The following SIMC1 variants were observed in gnomAD, a reference collection of about 807,000 sequenced individuals.
SIMC1 encodes the protein SUMO-interacting motif-containing protein 1.
In SIMC1, 55 loss-of-function variants were observed where a neutral mutation model predicts 82.3. The observed-to-expected ratio is 0.67, with a 90% CI of 0.54 to 0.84. The LOEUF (loss-of-function observed/expected upper bound fraction) is 0.84, where lower values mean the gene tolerates loss of function less well. Ranked by LOEUF, SIMC1 falls within the 40% of genes least tolerant of loss-of-function variation. The pLI, the probability that SIMC1 is intolerant of heterozygous loss-of-function variation, is 0.00. For synonymous variants in SIMC1, 353 were observed against 426.3 expected, an observed-to-expected ratio of 0.83 and a Z score of 2.12; for missense variants, 915 against 1,107.2, an observed-to-expected ratio of 0.83 and a Z score of 2.46.
intron 1 of SIMC1, among the ~76,000 whole-genome samples, chr5:176,249,793 G>A (rs928993400): frequency 7.0e-5 from 9 of 129,418 alleles, no homozygotes; most frequent in East Asian, 2.4e-4. Context: ...GCAGTGAGCC[G>A]AGATCATGCC....
chr5:176,335,059 T>C (rs1297106768), intron 7 of SIMC1, among the ~76,000 whole-genome samples: 1 of 151,538 alleles, frequency 6.6e-6, no homozygotes, highest in African/African-American at 2.4e-5. Flanking sequence ...ATCAGGCCAC[T>C]TCACTCCAGC....
chr5:176,320,615 C>A (rs550419336), intron 5 of SIMC1, among the ~76,000 whole-genome samples: 2 of 152,246 alleles, frequency 1.3e-5, no homozygotes, highest in South Asian at 4.1e-4. Context: ...AGCCATTTGC[C>A]CACTGCAGCT....
At chr5:176,281,220 C>T (rs1240188699) in intron 1 of SIMC1, among the ~76,000 whole-genome samples, 2 of 152,170 alleles carry the variant, frequency 1.3e-5, no homozygotes, top group African/African-American at 4.8e-5. Context: ...CAGTTGATCA[C>T]ATCAGCTCCT....
chr5:176,317,585 A>G (rs919317312), intron 5 of SIMC1, among the ~76,000 whole-genome samples: 3 of 152,070 alleles, frequency 2.0e-5, no homozygotes, highest in Non-Finnish European at 4.4e-5. Flanking sequence ...CATCACACAC[A>G]TATTTGCCAG....
chr5:176,337,221 A>C (rs1765941281), intron 9 of SIMC1, 75 bp downstream of exon 9: 6 of 1,221,848 alleles, frequency 4.9e-6, no homozygotes, highest in Non-Finnish European at 6.0e-6. Flanking sequence ...ACTACACAGG[A>C]TATTCTGATT....
chr5:176,279,127 A>G (rs1039180522), intron 1 of SIMC1, among the ~76,000 whole-genome samples: 2 of 152,096 alleles, frequency 1.3e-5, no homozygotes, highest in Non-Finnish European at 2.9e-5. Context: ...ACAATTTCAG[A>G]TCCTGTTATT....
At chr5:176,277,735 G>T (rs1488717912) in intron 1 of SIMC1, among the ~76,000 whole-genome samples, 1 of 151,888 alleles carries the variant, frequency 6.6e-6, no homozygotes, top group African/African-American at 2.4e-5. Flanking sequence ...TTTTTCTCAG[G>T]TTTGTCAAAG....
At chr5:176,269,013 A>G (rs1762319354) in intron 1 of SIMC1, among the ~76,000 whole-genome samples, 1 of 152,206 alleles carries the variant, frequency 6.6e-6, no homozygotes, top group Non-Finnish European at 1.5e-5. Context: ...TGATAATAAA[A>G]TGACTACATA....
intron 7 of SIMC1, among the ~76,000 whole-genome samples, chr5:176,330,830 G>T (rs909663340): frequency 6.6e-6 from 1 of 152,128 alleles, no homozygotes; most frequent in African/African-American, 2.4e-5. Flanking sequence ...CAAGATATTT[G>T]CATGGTCTCT....
At chr5:176,251,369 A>G (rs1451504427) in intron 1 of SIMC1, among the ~76,000 whole-genome samples, 3 of 152,154 alleles carry the variant, frequency 2.0e-5, no homozygotes, top group South Asian at 2.1e-4. Flanking sequence ...CCTCAAAAAC[A>G]AAACAAAACA....
rs1467875141 is a variant in SIMC1 at position 176,252,280 on chromosome 5, G to A, written c.129+13643G>A. ...GGCGGGGGCTGACCCCCTCACCTCC[G>A]TCCCGGACGTGGTGGCTGCCGGGCG... On this transcript the variant is annotated intron_variant, in intron 1 of 9. Transcript: ENST00000429602. Among the ~76,000 whole-genome samples the A allele has an allele frequency of 7.3e-5, 11 of 151,154 alleles. 1 individual carries two copies. The highest frequency in any genetic ancestry group is 2.1e-4 in the South Asian group (1 of 4,786).
chr5:176,248,108 A>G (rs1340471311), intron 1 of SIMC1, among the ~76,000 whole-genome samples: 1 of 152,010 alleles, frequency 6.6e-6, no homozygotes, highest in Non-Finnish European at 1.5e-5. Context: ...TTGGTTCCTT[A>G]TGAACTTTAA....
At chr5:176,345,044 G>C in intron 9 of SIMC1, 139 bp from the exon 10 acceptor site, 1 of 1,030,260 alleles carries the variant, frequency 9.7e-7, no homozygotes, top group South Asian at 1.8e-5. Context: ...GTTACTGCAG[G>C]CACTCACACA....
At chr5:176,305,124 G>C (rs1447482743) in intron 4 of SIMC1, among the ~76,000 whole-genome samples, 1 of 122,080 alleles carries the variant, frequency 8.2e-6, no homozygotes, top group Non-Finnish European at 1.8e-5. Context: ...CCGGCCAGCC[G>C]TGCCATCCAG....
chr5:176,327,800 A>G (rs1765458995), intron 7 of SIMC1, among the ~76,000 whole-genome samples: 1 of 152,232 alleles, frequency 6.6e-6, no homozygotes, highest in Non-Finnish European at 1.5e-5. Flanking sequence ...AAGAATAAGT[A>G]TTGAAATTTG....
chr5:176,291,035 G>A (rs1388621487), intron 2 of SIMC1, 80 bp downstream of exon 2: 17 of 807,410 alleles, frequency 2.1e-5, no homozygotes, highest in East Asian at 8.1e-5. Context: ...GAGTCCATGC[G>A]TGAGAGGACA....
chr5:176,250,343 C>T (rs149969054), intron 1 of SIMC1, among the ~76,000 whole-genome samples: 3,210 of 152,178 alleles, frequency 0.021, 49 homozygotes, highest in Middle Eastern at 0.068. Flanking sequence ...TTATGATTTC[C>T]GTTCTCTTGC....
chr5:176,263,466 G>A (rs1281958661), intron 1 of SIMC1: 2 of 1,547,130 alleles, frequency 1.3e-6, no homozygotes, highest in African/African-American at 1.4e-5. Context: ...AGGACCTCAG[G>A]AAGCTTCCAA....
intron 1 of SIMC1, among the ~76,000 whole-genome samples, chr5:176,257,184 G>A (rs185766772): frequency 0.021 from 3,208 of 151,732 alleles, 48 homozygotes; most frequent in Middle Eastern, 0.068. Context: ...TATATCTTTC[G>A]GGATTTCATA....
Sources: allele counts gnomAD v4.1 joint callset (sites outside exome capture counted in the v4.1 genomes callset), GRCh38; gene constraint gnomAD v4.1.1; transcripts MANE v1.5; gene names NCBI Gene and HGNC (gene_info 2026-07-23, HGNC 2026-07-21).